The following RASA1 variants were observed in gnomAD, a reference collection of about 807,000 sequenced individuals.
The protein encoded by RASA1 is ras GTPase-activating protein 1.
In RASA1, 25 loss-of-function variants were observed where a neutral mutation model predicts 132.2. The observed-to-expected ratio is 0.19, with a 90% CI of 0.14 to 0.26. RASA1 has a LOEUF of 0.26. Among genes scored for constraint, RASA1 ranks in the 10% least tolerant of loss-of-function variants. The pLI, the probability that RASA1 is intolerant of heterozygous loss-of-function variation, is 1.00. For missense variants in RASA1, 964 were observed against 1,299.2 expected (o/e 0.74, Z 3.97); for synonymous variants, 477 against 449.9 (o/e 1.06, Z -0.76).
intron 1 of RASA1, among the ~76,000 whole-genome samples, chr5:87,325,688 G>T (rs1253284929): frequency 2.6e-5 from 4 of 152,198 alleles, no homozygotes; most frequent in Admixed American, 6.5e-5. Flanking sequence ...TAATCTGCTG[G>T]TAACTTCAAT....
chr5:87,268,797 C>T lies in RASA1; in HGVS notation c.346C>T (p.Leu116Phe). Residue 116 changes from leucine (L) to phenylalanine (F), a missense_variant, in exon 1 of 25, where the codon CTC becomes TTC. This residue lies in a region of RASA1 where 326 missense variants were observed against 275.8 expected (regional missense o/e 1.18). Transcript: ENST00000274376. ...AVAGPSGDMALTKLPTSLLAE... is the reference protein window; with the variant it reads ...AVAGPSGDMAFTKLPTSLLAE... ...TGCTGGACCTAGTGGAGACATGGCT[C>T]TCACCAAACTGCCCACTTCGTTGCT... is the stretch of plus-strand genomic sequence containing the variant. The T allele has an allele frequency of 3.1e-6, 5 of 1,614,104 alleles. No individual in the cohort carries two copies. Among genetic ancestry groups the T allele is most frequent in the Non-Finnish European group, 4.2e-6 (5 of 1,180,042 alleles).
intron 1 of RASA1, among the ~76,000 whole-genome samples, chr5:87,292,610 T>A (rs1311090478): frequency 6.6e-6 from 1 of 152,176 alleles, no homozygotes; most frequent in African/African-American, 2.4e-5. Flanking sequence ...CGACTTTTTC[T>A]TTCAATGTTA....
chr5:87,338,327 T>C (rs1427347510), intron 5 of RASA1, among the ~76,000 whole-genome samples: 1 of 151,208 alleles, frequency 6.6e-6, no homozygotes, highest in Non-Finnish European at 1.5e-5. Flanking sequence ...ATTAAAAATA[T>C]ATTAACATTT....
intron 13 of RASA1, among the ~76,000 whole-genome samples, chr5:87,372,518 A>G (rs1761021479): frequency 6.6e-6 from 1 of 152,184 alleles, no homozygotes; most frequent in Non-Finnish European, 1.5e-5. Context: ...AGAACATTGA[A>G]AAGATCATCA....
chr5:87,340,019 C>G (rs1464095995), intron 5 of RASA1, among the ~76,000 whole-genome samples: 3 of 152,108 alleles, frequency 2.0e-5, no homozygotes, highest in African/African-American at 7.2e-5. Flanking sequence ...AGAATGTATG[C>G]TCTCTGAGGG....
chr5:87,342,247 C>T (rs1277010587), intron 6 of RASA1, among the ~76,000 whole-genome samples: 2 of 151,704 alleles, frequency 1.3e-5, no homozygotes, highest in South Asian at 2.1e-4. Context: ...GCAACCCCTG[C>T]CTCCTGGATT....
At chr5:87,297,138 G>GT (rs1487091351) in intron 1 of RASA1, among the ~76,000 whole-genome samples, 1 of 151,760 alleles carries the variant, frequency 6.6e-6, no homozygotes, top group Non-Finnish European at 1.5e-5. Context: ...TAGAATTTCC[G>GT]TTTCTCTGCT....
In RASA1 at chr5:87,391,229, T is replaced by G. The variant is rs1460246557; in HGVS notation, c.*346T>G. The G allele has an allele frequency of 9.2e-6, 4 of 432,484 alleles. No individual in the cohort carries two copies. The highest frequency in any genetic ancestry group is 1.7e-5 in the Non-Finnish European group (4 of 234,682). The allele number at this position is 432,484 out of a possible 1,614,324, so 26.8% of individuals were successfully genotyped here. A position where few individuals can be genotyped will look rare whatever the true frequency, so the allele number is the denominator to read the frequency against. ...TCAGTACACCCAGTTGCCAAAGTTT[T>G]GCTGTCTCTTAGAGAAAGAACTATG... On this transcript the variant is annotated 3_prime_UTR_variant, in exon 25 of 25. Transcript: ENST00000274376.
At chr5:87,376,291 C>A in intron 15 of RASA1, 102 bp from the exon 16 acceptor site, 1 of 1,350,696 alleles carries the variant, frequency 7.4e-7, no homozygotes, top group Non-Finnish European at 1.0e-6. Flanking sequence ...TAATGAAAAG[C>A]ATTTAACACC....
chr5:87,275,342 A>G (rs1704738638), intron 1 of RASA1, among the ~76,000 whole-genome samples: 1 of 152,200 alleles, frequency 6.6e-6, no homozygotes, highest in Admixed American at 6.5e-5. Context: ...ATAATAAAGC[A>G]CTCCAAAACA....
At chr5:87,286,955 A>G (rs1456938856) in intron 1 of RASA1, among the ~76,000 whole-genome samples, 2 of 147,492 alleles carry the variant, frequency 1.4e-5, no homozygotes, top group African/African-American at 5.1e-5. Context: ...ATATATATAC[A>G]TACCATATAT....
chr5:87,318,864 T>C (rs1305827394), intron 1 of RASA1: 3 of 152,284 alleles, frequency 2.0e-5, no homozygotes, highest in Non-Finnish European at 4.4e-5. Flanking sequence ...CAAAGTCTTA[T>C]CTGAGACAAG....
intron 15 of RASA1, among the ~76,000 whole-genome samples, chr5:87,376,092 G>T (rs1407202643): frequency 6.6e-6 from 1 of 152,126 alleles, no homozygotes; most frequent in Non-Finnish European, 1.5e-5. Context: ...ATTCACCACT[G>T]TTAACAGCAC....
chr5:87,368,075 T>G (rs1291611274), intron 11 of RASA1, among the ~76,000 whole-genome samples: 11 of 152,220 alleles, frequency 7.2e-5, no homozygotes, highest in Admixed American at 5.2e-4. Flanking sequence ...GTTTAAATGT[T>G]TAGTATCTAA....
Position 87,391,568 on chromosome 5 carries a change from T to G in RASA1, c.*685T>G. 2 of 236,226 alleles carry G rather than the reference T, an allele frequency of 8.5e-6. No individual in the cohort carries two copies. Among genetic ancestry groups the G allele is most frequent in the Non-Finnish European group, 1.7e-5 (2 of 119,602 alleles). The allele number at this position is 236,226 out of a possible 1,614,324, so 14.6% of individuals were successfully genotyped here. On this transcript the variant is annotated 3_prime_UTR_variant, in exon 25 of 25. Coordinates refer to ENST00000274376, the MANE Select transcript of RASA1 (RefSeq NM_002890.3). ...TGTCAAAGACTGTATTTAGATCTCA[T>G]AATGCTTTGTTAAATGTTTACAAGT...
chr5:87,321,616 TGGCAAGGTCTGGATGCCATAG>T (rs1328348595), intron 1 of RASA1, among the ~76,000 whole-genome samples: 2 of 152,374 alleles, frequency 1.3e-5, no homozygotes, highest in South Asian at 4.1e-4. Flanking sequence ...AACAGCCATA[TGGCAAGGTCTGGATGCCATAG>T]GGCAAGGTCT....
chr5:87,385,542 T>C (rs1458320486), intron 22 of RASA1, among the ~76,000 whole-genome samples, 153 bp downstream of exon 22: 1 of 152,114 alleles, frequency 6.6e-6, no homozygotes, highest in Non-Finnish European at 1.5e-5. Context: ...AGTAGCTTGT[T>C]TAAATTTTAC....
chr5:87,323,093 G>A (rs1458521498), intron 1 of RASA1, among the ~76,000 whole-genome samples: 2 of 152,188 alleles, frequency 1.3e-5, no homozygotes, highest in Non-Finnish European at 2.9e-5. Context: ...TATAATTTGA[G>A]CTGATGGATA....
intron 1 of RASA1, among the ~76,000 whole-genome samples, chr5:87,326,446 C>T (rs1014260619): frequency 1.3e-5 from 2 of 152,108 alleles, no homozygotes; most frequent in African/African-American, 4.8e-5. Context: ...CCATATCTAC[C>T]TGTAAGATTT....
Sources: allele counts gnomAD v4.1 joint callset (sites outside exome capture counted in the v4.1 genomes callset), GRCh38; gene constraint gnomAD v4.1.1; regional missense constraint gnomAD v4.1.1; transcripts MANE v1.5; gene names NCBI Gene and HGNC (gene_info 2026-07-23, HGNC 2026-07-21).